ALK: variants seen among roughly 807,000 people sequenced by gnomAD.
ALK encodes ALK receptor tyrosine kinase.
ALK carries 74 observed loss-of-function variants against 163.1 expected under a neutral mutation model. The observed-to-expected ratio is 0.45, with a 90% confidence interval of 0.38 to 0.55. The LOEUF (loss-of-function observed/expected upper bound fraction) is 0.55, where lower values mean the gene tolerates loss of function less well. Among genes scored for constraint, ALK ranks in the 20% least tolerant of loss-of-function variants. The pLI is 0.00. For missense variants in ALK, 2,063 were observed against 2,105.3 expected, an observed-to-expected ratio of 0.98 and a Z score of 0.39; for synonymous variants, 960 against 843.2, an observed-to-expected ratio of 1.14 and a Z score of -2.40.
chr2:29,711,586 G>T (rs894908451), intron 2 of ALK, among the ~76,000 whole-genome samples: 3 of 151,994 alleles, frequency 2.0e-5, no homozygotes, highest in Non-Finnish European at 4.4e-5. Context: ...CATTCTCTGT[G>T]TTGGTGGAGA....
chr2:29,223,516 T>G lies in ALK; in HGVS notation c.3185A>C (p.Lys1062Thr). 6.2e-7 allele frequency: 1 copy of G among 1,613,856 alleles called. No homozygotes were observed. The highest frequency in any genetic ancestry group is 8.5e-7 in the Non-Finnish European group (1 of 1,180,028). The change falls in exon 20 of 29, where the codon AAG becomes ACG. Residue 1062 changes from lysine to threonine, a missense_variant. This residue lies in a region of ALK where 575 missense variants were observed against 626.6 expected (regional missense o/e 0.92). Transcript: ENST00000389048. ...CTGCATGGCTTGCAGCTCCTGGTGC[T>G]TCCGGCGGTACACTGCAGGTGGGTG... ...FSGIMIVYRR[K>T]HQELQAMQME...
At chr2:29,723,537 G>A (rs1024257679) in intron 1 of ALK, among the ~76,000 whole-genome samples, 1 of 152,196 alleles carries the variant, frequency 6.6e-6, no homozygotes, top group Admixed American at 6.5e-5. Flanking sequence ...CACACAGCAG[G>A]CACTCAATAA....
At chr2:29,844,321 C>A (rs915107628) in intron 1 of ALK, among the ~76,000 whole-genome samples, 2 of 152,122 alleles carry the variant, frequency 1.3e-5, no homozygotes, top group African/African-American at 4.8e-5. Context: ...ATGAGCAGTG[C>A]CCCCCGGGGC....
chr2:29,407,029 T>A (rs1487065991), intron 4 of ALK, among the ~76,000 whole-genome samples: 1 of 152,234 alleles, frequency 6.6e-6, no homozygotes, highest in Non-Finnish European at 1.5e-5. Flanking sequence ...ATGTATCAGC[T>A]GTCCTGATTA....
At chr2:29,850,147 A>G (rs1030708064) in intron 1 of ALK, among the ~76,000 whole-genome samples, 4 of 152,240 alleles carry the variant, frequency 2.6e-5, no homozygotes, top group African/African-American at 7.2e-5. Context: ...TCACACAGCA[A>G]TGAGGATGAA....
chr2:29,237,391 A>G (rs76486674), intron 13 of ALK, among the ~76,000 whole-genome samples: 15,773 of 152,156 alleles, frequency 0.1, 1,069 homozygotes, highest in Non-Finnish European at 0.14. Context: ...AACATGCCTT[A>G]AAGTGGCCTG....
At chr2:29,511,697 A>G (rs1487915313) in intron 4 of ALK, among the ~76,000 whole-genome samples, 3 of 152,204 alleles carry the variant, frequency 2.0e-5, no homozygotes, top group African/African-American at 7.2e-5. Context: ...GCATATGTCT[A>G]GTTTTTAAAG....
At position 29,371,797 on chromosome 2, in the gene ALK, C is replaced by G. The variant is rs1397905610; in HGVS notation, c.1282+11935G>C. Among the ~76,000 whole-genome samples, 5 of 152,116 alleles carry G rather than the reference C, an allele frequency of 3.3e-5. No individual in the cohort carries two copies. In the East Asian group the frequency reaches 9.7e-4, roughly 29 times the overall value. On this transcript the variant is annotated intron_variant, in intron 5 of 28. Transcript: ENST00000389048. ...CAATGGCTTGCACTGAGAAGACACA[C>G]TACTCCCTGGCTCTCCTCTCCAGCT...
chr2:29,274,286 C>G (rs1215450071), intron 11 of ALK, among the ~76,000 whole-genome samples: 3 of 152,238 alleles, frequency 2.0e-5, no homozygotes, highest in African/African-American at 7.2e-5. Flanking sequence ...AGAGATTTAT[C>G]ATTGATCTGT....
At chr2:29,705,270 T>TATAG (rs1678870475) in intron 2 of ALK, among the ~76,000 whole-genome samples, 1 of 64,196 alleles carries the variant, frequency 1.6e-5, no homozygotes, top group African/African-American at 7.5e-5. Context: ...TATATATATA[T>TATAG]ATATATATAT....
intron 3 of ALK, among the ~76,000 whole-genome samples, chr2:29,566,905 G>A (rs998309687): frequency 1.5e-4 from 23 of 151,972 alleles, no homozygotes; most frequent in Non-Finnish European, 3.1e-4. Context: ...AACCATGTAT[G>A]TAAATATATA....
chr2:29,390,634 A>C lies in ALK; in HGVS notation c.1155-6775T>G, dbSNP rs879778930. ...TAATCTTATCCTACAGGGAAAAAAA[A>C]CACACAACTTTCAAATTTTCCTTAA... On this transcript the variant is annotated intron_variant, in intron 4 of 28. Coordinates refer to ENST00000389048, the MANE Select transcript of ALK (RefSeq NM_004304.5). 3.0e-4 allele frequency among the ~76,000 whole-genome samples: 46 copies of C among 152,224 alleles called. 1 individual carries two copies. The highest frequency in any genetic ancestry group is 2.8e-3 in the Admixed American group (43 of 15,288).
intron 5 of ALK, among the ~76,000 whole-genome samples, chr2:29,341,575 T>C (rs147805707): frequency 5.8e-4 from 89 of 152,306 alleles, no homozygotes; most frequent in Admixed American, 2.2e-3. Flanking sequence ...TGAGCTATGA[T>C]TGTGCTTTTG....
intron 4 of ALK, among the ~76,000 whole-genome samples, chr2:29,439,498 G>A (rs6715952): frequency 0.83 from 126,653 of 152,116 alleles, 53,132 homozygotes; most frequent in Non-Finnish European, 0.89. Flanking sequence ...AGGACAGACA[G>A]ATAGAGAATA....
intron 3 of ALK, among the ~76,000 whole-genome samples, chr2:29,692,558 A>G (rs1678430730): frequency 6.6e-6 from 1 of 152,248 alleles, no homozygotes; most frequent in African/African-American, 2.4e-5. Context: ...ACAGTGCACA[A>G]TACGATTCAC....
intron 6 of ALK, among the ~76,000 whole-genome samples, chr2:29,326,065 T>A (rs899772357): frequency 5.9e-5 from 9 of 152,322 alleles, no homozygotes; most frequent in African/African-American, 2.2e-4. Flanking sequence ...CTGCTTTCTG[T>A]AGCCAAGAAC....
intron 1 of ALK, among the ~76,000 whole-genome samples, chr2:29,784,068 C>T (rs534827169): frequency 2.7e-5 from 4 of 150,530 alleles, no homozygotes; most frequent in South Asian, 4.2e-4. Flanking sequence ...AGCGAGACAA[C>T]GAGAGAGCGA....
intron 1 of ALK, among the ~76,000 whole-genome samples, chr2:29,886,102 TAATA>T (rs1180583324): frequency 1.3e-5 from 2 of 152,222 alleles, no homozygotes; most frequent in Admixed American, 1.3e-4. Flanking sequence ...CACTTCCACT[TAATA>T]AATAGTAAAC....
intron 1 of ALK, among the ~76,000 whole-genome samples, chr2:29,859,619 GT>G (rs1206113127): frequency 6.6e-6 from 1 of 151,944 alleles, no homozygotes. Context: ...GGGGTCGCTT[GT>G]GAAAAAAAAT....
Sources: allele counts gnomAD v4.1 joint callset (sites outside exome capture counted in the v4.1 genomes callset), GRCh38; gene constraint gnomAD v4.1.1; regional missense constraint gnomAD v4.1.1; transcripts MANE v1.5; gene names NCBI Gene and HGNC (gene_info 2026-07-23, HGNC 2026-07-21).